RIMS1: variants seen among roughly 807,000 people sequenced by gnomAD.
RIMS1 encodes the protein regulating synaptic membrane exocytosis 1.
A neutral mutation model predicts 214.1 loss-of-function variants in RIMS1; 83 were observed. The ratio of observed to expected loss-of-function variants is 0.39; its 90% CI spans 0.32 to 0.47. The LOEUF is 0.47. Among genes scored for constraint, RIMS1 ranks in the 20% least tolerant of loss-of-function variants. The pLI is 0.99. For synonymous variants in RIMS1, 793 were observed against 786.8 expected, an observed-to-expected ratio of 1.01 and a Z score of -0.13; for missense variants, 2,050 against 2,161.8, an observed-to-expected ratio of 0.95 and a Z score of 1.03.
At chr6:72,109,100 T>C (rs1244219514) in intron 4 of RIMS1, among the ~76,000 whole-genome samples, 16 of 152,104 alleles carry the variant, frequency 1.1e-4, no homozygotes, top group Non-Finnish European at 2.2e-4. Flanking sequence ...CAGTCTATCA[T>C]TGTTGGACAT....
chr6:71,947,221 T>C (rs1387306325), intron 1 of RIMS1, among the ~76,000 whole-genome samples: 1 of 152,038 alleles, frequency 6.6e-6, no homozygotes, highest in South Asian at 2.1e-4. Flanking sequence ...CCAAAAAATA[T>C]GAAATCAGTT....
chr6:71,941,515 A>G (rs1786138026), intron 1 of RIMS1, among the ~76,000 whole-genome samples: 1 of 151,930 alleles, frequency 6.6e-6, no homozygotes, highest in African/African-American at 2.4e-5. Context: ...ATTTGATTTT[A>G]TTTTTTGCTG....
chr6:71,893,638 T>C (rs1770664180), intron 1 of RIMS1, among the ~76,000 whole-genome samples: 1 of 152,190 alleles, frequency 6.6e-6, no homozygotes, highest in African/African-American at 2.4e-5. Context: ...TTAAGAACTT[T>C]TTAAGATTCT....
intron 28 of RIMS1, among the ~76,000 whole-genome samples, chr6:72,330,218 G>C (rs1483614789): frequency 6.6e-6 from 1 of 151,786 alleles, no homozygotes; most frequent in African/African-American, 2.4e-5. Flanking sequence ...ATAAAGACTG[G>C]TAAGTGACAG....
chr6:71,965,103 C>T (rs982643694), intron 1 of RIMS1, among the ~76,000 whole-genome samples: 2 of 152,072 alleles, frequency 1.3e-5, no homozygotes, highest in African/African-American at 4.8e-5. Context: ...ATGTATTTCC[C>T]CAACACTATT....
chr6:72,149,021 G>T (rs1299380354), intron 4 of RIMS1, among the ~76,000 whole-genome samples: 8 of 152,022 alleles, frequency 5.3e-5, no homozygotes, highest in Admixed American at 5.2e-4. Context: ...ACGTAGAAAA[G>T]CTCCCTTTAT....
At chr6:72,033,729 G>A (rs185250777) in intron 2 of RIMS1, among the ~76,000 whole-genome samples, 3 of 152,140 alleles carry the variant, frequency 2.0e-5, no homozygotes, top group Admixed American at 6.5e-5. Context: ...TGATCCACAC[G>A]CCTCAGCCTC....
intron 2 of RIMS1, among the ~76,000 whole-genome samples, chr6:71,975,350 A>G (rs1734086034): frequency 6.6e-6 from 1 of 152,194 alleles, no homozygotes. Flanking sequence ...AGACCTGGGC[A>G]GACTGAATGG....
chr6:72,107,049 A>G (rs1418425564), intron 4 of RIMS1, among the ~76,000 whole-genome samples: 1 of 152,196 alleles, frequency 6.6e-6, no homozygotes, highest in Non-Finnish European at 1.5e-5. Flanking sequence ...TCAAAGGGTC[A>G]GAGCAGCTCA....
intron 2 of RIMS1, among the ~76,000 whole-genome samples, chr6:72,012,735 GA>G (rs1370676933): frequency 2.0e-5 from 3 of 152,174 alleles, no homozygotes; most frequent in African/African-American, 7.2e-5. Flanking sequence ...AAAGAATCTA[GA>G]TTGGATTTGG....
intron 2 of RIMS1, among the ~76,000 whole-genome samples, chr6:72,088,352 G>A (rs766835951): frequency 5.3e-5 from 8 of 151,756 alleles, no homozygotes; most frequent in East Asian, 1.9e-4. Context: ...AGGTTCAAGC[G>A]ATTCTCCTGC....
At chr6:71,943,818 C>T (rs1373276240) in intron 1 of RIMS1, among the ~76,000 whole-genome samples, 1 of 152,172 alleles carries the variant, frequency 6.6e-6, no homozygotes, top group Non-Finnish European at 1.5e-5. Flanking sequence ...ATGATCCATT[C>T]TTTGAGTGGA....
chr6:72,322,940 A>G (rs2096250325), intron 28 of RIMS1, among the ~76,000 whole-genome samples: 1 of 152,088 alleles, frequency 6.6e-6, no homozygotes. Context: ...TTTCCAGGAA[A>G]GCAAACAAAA....
rs1252186168 is a variant in RIMS1, at chr6:72,343,804, G to T, written c.4366+9969G>T. Among the ~76,000 whole-genome samples, 4 of 151,368 alleles carry T rather than the reference G, an allele frequency of 2.6e-5. No homozygotes were observed. In the Admixed American group the frequency reaches 2.6e-4, roughly 10 times the overall value. On this transcript the variant is annotated intron_variant, in intron 29 of 33. Transcript: ENST00000521978. ...ACAGGCAATAATATAAGTATTCTAAGGTGTTTTAGGTAGATTTATAGATGT... is the reference window on the plus strand; with the variant it reads ...ACAGGCAATAATATAAGTATTCTAATGTGTTTTAGGTAGATTTATAGATGT...
At chr6:72,378,528 T>C (rs1006154707) in intron 29 of RIMS1, among the ~76,000 whole-genome samples, 1 of 152,192 alleles carries the variant, frequency 6.6e-6, no homozygotes, top group Admixed American at 6.5e-5. Context: ...AATATTAAAC[T>C]ATTAGAAAAG....
chr6:72,138,065 T>C (rs572878407), intron 4 of RIMS1, among the ~76,000 whole-genome samples: 1 of 152,162 alleles, frequency 6.6e-6, no homozygotes, highest in Non-Finnish European at 1.5e-5. Context: ...GCAAAGATCG[T>C]ATGTGAGTCT....
chr6:72,250,840 T>C (rs1258056854), intron 13 of RIMS1, 81 bp from the exon 14 acceptor site: 1 of 703,172 alleles, frequency 1.4e-6, no homozygotes. Context: ...AATATAAATA[T>C]CAATGGCAGT....
At position 72,239,836 on chromosome 6, in the gene RIMS1, G is replaced by A. The variant is rs571411119; in HGVS notation, c.1957+1914G>A. On this transcript the variant is annotated intron_variant, in intron 9 of 33. Coordinates refer to ENST00000521978, the MANE Select transcript of RIMS1 (RefSeq NM_014989.7). ...GTCCAGGATGTTGGTCCACCTGTAG[G>A]TTCCTGTCAGGCTGTTTCCCACCTA... Among the ~76,000 whole-genome samples the A allele has an allele frequency of 1.4e-3, 217 of 152,186 alleles. 2 individuals carry two copies. The highest frequency in any genetic ancestry group is 4.7e-3 in the African/African-American group (196 of 41,526).
intron 2 of RIMS1, among the ~76,000 whole-genome samples, chr6:72,096,257 G>T (rs542592919): frequency 3.3e-5 from 5 of 152,284 alleles, no homozygotes; most frequent in African/African-American, 9.6e-5. Flanking sequence ...TACAAGGTAA[G>T]ATTTAGAACT....
Sources: gnomAD v4.1 joint callset for allele counts (sites outside exome capture counted in the v4.1 genomes callset) on GRCh38, gnomAD v4.1.1 for gene constraint, MANE v1.5 for transcripts, NCBI Gene and HGNC (gene_info 2026-07-23, HGNC 2026-07-21) for gene names.